LUZP2: variants seen among roughly 807,000 people sequenced by gnomAD.
LUZP2 encodes leucine zipper protein 2.
Under a neutral mutation model 51.6 loss-of-function variants are expected in LUZP2, and 52 were observed. The observed-to-expected ratio is 1.01, with a 90% CI of 0.81 to 1.27. The LOEUF (loss-of-function observed/expected upper bound fraction) is 1.27, where lower values mean the gene tolerates loss of function less well. Ranked by LOEUF, LUZP2 falls within the 50% of genes most tolerant of loss-of-function variation. The probability of loss-of-function intolerance (pLI) is 0.00; values close to 1 mark genes in which losing one functional copy is unlikely to be tolerated. For synonymous variants in LUZP2, 154 were observed against 137.3 expected, an observed-to-expected ratio of 1.12 and a Z score of -0.85; for missense variants, 436 against 395.4, an observed-to-expected ratio of 1.10 and a Z score of -0.87.
chr11:24,505,400 AT>A (rs1850117906), intron 1 of LUZP2, among the ~76,000 whole-genome samples: 1 of 152,168 alleles, frequency 6.6e-6, no homozygotes, highest in Non-Finnish European at 1.5e-5. Flanking sequence ...TGTTATATGA[AT>A]TTAGAAATGT....
chr11:24,730,295 T>C lies in LUZP2; in HGVS notation c.180+1009T>C, dbSNP rs978237194. Among the ~76,000 whole-genome samples the C allele has an allele frequency of 2.0e-5, 3 of 151,766 alleles. No homozygotes were observed. In the Admixed American group the frequency reaches 2.0e-4, roughly 10 times the overall value. The stretch of plus-strand genomic sequence containing the variant: ...GTGAGAAAACAGAATTAGAGAAAAG[T>C]TAACAAACTAAGAGTGCACAGATAG... On this transcript the variant is annotated intron_variant, in intron 2 of 11. Coordinates refer to ENST00000336930, the MANE Select transcript of LUZP2 (RefSeq NM_001009909.4).
intron 1 of LUZP2, among the ~76,000 whole-genome samples, chr11:24,584,143 A>C (rs2133827985): frequency 6.6e-6 from 1 of 152,346 alleles, no homozygotes; most frequent in African/African-American, 2.4e-5. Context: ...AAAAAACAAA[A>C]GTCCTGCCAT....
chr11:24,837,337 G>A (rs1289400813), intron 5 of LUZP2, among the ~76,000 whole-genome samples: 2 of 151,618 alleles, frequency 1.3e-5, no homozygotes, highest in Non-Finnish European at 3.0e-5. Context: ...TGATGAATAG[G>A]ATGTTGTCCA....
At chr11:24,948,851 CTATCTATCTATCTAT>C (rs1565147153) in intron 7 of LUZP2, among the ~76,000 whole-genome samples, 2 of 150,642 alleles carry the variant, frequency 1.3e-5, no homozygotes, top group Non-Finnish European at 3.0e-5. Flanking sequence ...ATCTATCTAT[CTATCTATCTATCTAT>C]CTACCTATCC....
Position 24,943,515 on chromosome 11 carries a change from G to A in LUZP2, c.522+28977G>A, listed in dbSNP as rs558307812. 2.1e-3 allele frequency among the ~76,000 whole-genome samples: 315 copies of A among 152,206 alleles called. 1 individual carries two copies. The highest frequency in any genetic ancestry group is 7.1e-3 in the African/African-American group (293 of 41,552). The stretch of plus-strand genomic sequence containing the variant: ...ATTTGAGTGTCAGTCACCTTTTCCT[G>A]TAGGACTATAAGCTGCTATTCTGGG... On this transcript the variant is annotated intron_variant, in intron 7 of 11. Coordinates refer to ENST00000336930, the MANE Select transcript of LUZP2 (RefSeq NM_001009909.4).
chr11:24,854,628 G>A (rs533205826), intron 5 of LUZP2, among the ~76,000 whole-genome samples: 5 of 146,256 alleles, frequency 3.4e-5, no homozygotes, highest in East Asian at 2.1e-4. Flanking sequence ...GGCAGTGAAC[G>A]ATTCTGTCTC....
intron 10 of LUZP2, among the ~76,000 whole-genome samples, chr11:25,065,258 G>A (rs1858965344): frequency 6.6e-6 from 1 of 151,904 alleles, no homozygotes; most frequent in Admixed American, 6.6e-5. Flanking sequence ...GTCATCACCT[G>A]GTACATCTTT....
chr11:24,589,217 C>T (rs1853177086), intron 1 of LUZP2, among the ~76,000 whole-genome samples: 1 of 152,036 alleles, frequency 6.6e-6, no homozygotes. Context: ...ATTTTCTGTT[C>T]CTGTTTTTGA....
intron 5 of LUZP2, among the ~76,000 whole-genome samples, chr11:24,860,246 C>T (rs555976591): frequency 6.6e-6 from 1 of 152,288 alleles, no homozygotes; most frequent in East Asian, 1.9e-4. Context: ...GGCTTCCCTG[C>T]AGGAACTCGA....
intron 1 of LUZP2, among the ~76,000 whole-genome samples, chr11:24,616,857 A>T (rs1340953700): frequency 1.1e-4 from 17 of 152,146 alleles, no homozygotes; most frequent in Admixed American, 1.1e-3. Context: ...AATTTTGTTA[A>T]ATCTGTATAT....
chr11:24,717,734 A>G (rs1858108857), intron 1 of LUZP2, among the ~76,000 whole-genome samples: 1 of 151,660 alleles, frequency 6.6e-6, no homozygotes, highest in Non-Finnish European at 1.5e-5. Flanking sequence ...TATCTCTTCT[A>G]TTCCTCTCCC....
At chr11:24,769,077 A>C (rs1421242432) in intron 5 of LUZP2, among the ~76,000 whole-genome samples, 1 of 152,208 alleles carries the variant, frequency 6.6e-6, no homozygotes, top group Non-Finnish European at 1.5e-5. Context: ...AAATCCTGTC[A>C]TTTGTGCAAA....
chr11:24,497,053 A>G lies in LUZP2; in HGVS notation c.-191A>G, dbSNP rs961657485. ...CAGGGCTCGCCTCGCCGGTGACATC[A>G]CTCCTGAAGATACTCCTCGCTCCCA... On this transcript the variant is annotated 5_prime_UTR_variant, in exon 1 of 12. Coordinates refer to ENST00000336930, the MANE Select transcript of LUZP2 (RefSeq NM_001009909.4). 4.8e-6 allele frequency: 2 copies of G among 415,052 alleles called. No homozygotes were observed. Among genetic ancestry groups the G allele is most frequent in the Non-Finnish European group, 8.4e-6 (2 of 236,886 alleles). 25.7% of individuals were successfully genotyped at this position (415,052 alleles called of 1,614,324 possible).
intron 5 of LUZP2, among the ~76,000 whole-genome samples, chr11:24,842,447 T>G (rs1240685470): frequency 1.3e-5 from 2 of 151,712 alleles, no homozygotes; most frequent in Non-Finnish European, 2.9e-5. Context: ...AATAGGTCAG[T>G]CAGGGAAAAA....
chr11:24,602,102 G>GTATATATGTATATCTGTA (rs1234380532), intron 1 of LUZP2, among the ~76,000 whole-genome samples: 1 of 81,426 alleles, frequency 1.2e-5, no homozygotes, highest in African/African-American at 5.3e-5. Context: ...GTATATATGT[G>GTATATATGTATATCTGTA]TATATGTGTA....
At chr11:24,647,163 G>T (rs918804090) in intron 1 of LUZP2, among the ~76,000 whole-genome samples, 2 of 151,852 alleles carry the variant, frequency 1.3e-5, no homozygotes, top group African/African-American at 4.8e-5. Context: ...TCATCACATG[G>T]CATTTGAAGC....
intron 1 of LUZP2, among the ~76,000 whole-genome samples, chr11:24,500,399 G>T (rs963896391): frequency 1.3e-5 from 2 of 152,134 alleles, no homozygotes; most frequent in African/African-American, 4.8e-5. Flanking sequence ...TGTGATCAAA[G>T]AAAGCAAACA....
intron 10 of LUZP2, among the ~76,000 whole-genome samples, chr11:25,062,092 A>G (rs560524133): frequency 6.6e-6 from 1 of 150,916 alleles, no homozygotes; most frequent in East Asian, 1.9e-4. Flanking sequence ...AAAACAAAAA[A>G]CGAAAAACAG....
intron 9 of LUZP2, among the ~76,000 whole-genome samples, chr11:25,036,677 A>G (rs1317957311): frequency 6.6e-6 from 1 of 152,010 alleles, no homozygotes; most frequent in Non-Finnish European, 1.5e-5. Context: ...CCCAATTTTC[A>G]TTAATTTCAA....
Sources: allele counts gnomAD v4.1 joint callset (sites outside exome capture counted in the v4.1 genomes callset), GRCh38; gene constraint gnomAD v4.1.1; transcripts MANE v1.5; gene names NCBI Gene and HGNC (gene_info 2026-07-23, HGNC 2026-07-21).